Variants in GSTP1 observed in about 807,000 individuals in gnomAD.
GSTP1 encodes glutathione S-transferase pi 1, also known as glutathione S-transferase P.
Under a neutral mutation model 29.4 loss-of-function variants are expected in GSTP1, and 28 were observed. The ratio of observed to expected loss-of-function variants is 0.95; its 90% CI spans 0.71 to 1.30. GSTP1 has a LOEUF of 1.30. Among genes scored for constraint, GSTP1 ranks in the 50% most tolerant of loss-of-function variants. The pLI is 0.00. For missense variants in GSTP1, 267 were observed against 266.1 expected (o/e 1.00, Z -0.02); for synonymous variants, 122 against 117.0 (o/e 1.04, Z -0.28).
At chr11:67,584,355 C>G in intron 2 of GSTP1, 109 bp from the exon 3 acceptor site, 1 of 729,130 alleles carries the variant, frequency 1.4e-6, no homozygotes. Flanking sequence ...GTGAAATCTT[C>G]GGAGGAACCT....
chr11:67,584,003 C>T, intron 1 of GSTP1, 131 bp from the exon 2 acceptor site: 1 of 684,292 alleles, frequency 1.5e-6, no homozygotes, highest in East Asian at 3.4e-5. Context: ...GTGCCGTTAG[C>T]GGCTTTCAGG....
chr11:67,586,253 T>C (rs201310457), intron 6 of GSTP1, 42 bp downstream of exon 6: 4 of 1,542,218 alleles, frequency 2.6e-6, no homozygotes, highest in Admixed American at 1.7e-5. Context: ...CGCCACCCTC[T>C]GCTTCCAGAT....
chr11:67,586,009 GA>G, intron 5 of GSTP1, 94 bp from the exon 6 acceptor site: 2 of 854,658 alleles, frequency 2.3e-6, no homozygotes, highest in Non-Finnish European at 1.9e-6. Context: ...AAGCAGAGGA[GA>G]ATCTGGGACT....
At chr11:67,585,334 C>A in intron 5 of GSTP1, 93 bp downstream of exon 5, 1 of 847,080 alleles carries the variant, frequency 1.2e-6, no homozygotes, top group Non-Finnish European at 1.9e-6. Flanking sequence ...GTGGCTTGGG[C>A]TGACCCCTTC....
rs199949339 is a variant in GSTP1, at chr11:67,586,198, T to C, written c.431T>C (p.Ile144Thr). ...LSQNQGGKTF[I>T]VGDQISFADY... ...CAGAACCAGGGAGGCAAGACCTTCATTGTGGGAGACCAGGTGAGCATCTGG... is the reference window on the plus strand; with the variant it reads ...CAGAACCAGGGAGGCAAGACCTTCACTGTGGGAGACCAGGTGAGCATCTGG... The change falls in exon 6 of 7, where the codon ATT becomes ACT. Residue 144 changes from isoleucine to threonine, a missense_variant. Ile to Thr is a moderately conservative substitution (Grantham distance 89). Transcript: ENST00000398606. The C allele has an allele frequency of 6.0e-5, 97 of 1,612,584 alleles. No homozygotes were observed. The African/African-American group carries it at 1.1e-3, about 19-fold the overall frequency.
intron 5 of GSTP1, 143 bp downstream of exon 5, chr11:67,585,384 G>A (rs1303186513): frequency 1.2e-5 from 7 of 605,362 alleles, no homozygotes; most frequent in Admixed American, 3.1e-5. Flanking sequence ...TCTGGGCCAG[G>A]GGCCCAGGGG....
At chr11:67,586,237 C>G in intron 6 of GSTP1, 26 bp downstream of exon 6, 1 of 1,567,808 alleles carries the variant, frequency 6.4e-7, no homozygotes. Context: ...CATGCTGTTC[C>G]TTCCTCGCCA....
At chr11:67,585,060 C>CT (rs1867442474) in intron 4 of GSTP1, 78 bp from the exon 5 acceptor site, 1 of 885,938 alleles carries the variant, frequency 1.1e-6, no homozygotes. Flanking sequence ...AGACAGCCCC[C>CT]TGGTTGGCCC....
Position 67,586,463 on chromosome 11 carries a change from G to A in GSTP1, c.519G>A (p.Ala173=), listed in dbSNP as rs567508164. 75 of 1,614,142 alleles carry A rather than the reference G, an allele frequency of 4.6e-5. No individual in the cohort carries two copies. Among genetic ancestry groups the A allele is most frequent in the South Asian group, 6.6e-5 (6 of 91,076 alleles). Residue 173 remains alanine, a synonymous_variant, in exon 7 of 7, where the codon GCG becomes GCA. Coordinates refer to ENST00000398606, the MANE Select transcript of GSTP1 (RefSeq NM_000852.4). ...HEVLAPGCLD[A]FPLLSAYVGR... ...TCCTAGCCCCTGGCTGCCTGGATGC[G>A]TTCCCCCTGCTCTCAGCATATGTGG...
Position 67,584,132 on chromosome 11 carries a change from A to T in GSTP1, c.2-2A>T. On this transcript the variant is annotated splice_acceptor_variant, in intron 1 of 6. Coordinates refer to ENST00000398606, the MANE Select transcript of GSTP1 (RefSeq NM_000852.4). LOFTEE classifies it high-confidence loss of function. ...CAGCAAACTTTTCTTTGTTCGCTGCAGTGCCGCCCTACACCGTGGTCTATT... is the reference window on the plus strand; with the variant it reads ...CAGCAAACTTTTCTTTGTTCGCTGCTGTGCCGCCCTACACCGTGGTCTATT... The T allele has an allele frequency of 6.2e-7, 1 of 1,612,312 alleles. No homozygotes were observed. Among genetic ancestry groups the T allele is most frequent in the Non-Finnish European group, 8.5e-7 (1 of 1,178,502 alleles).
chr11:67,584,104 C>G (rs763158028), intron 1 of GSTP1, 30 bp from the exon 2 acceptor site: 2 of 1,597,442 alleles, frequency 1.3e-6, no homozygotes, highest in African/African-American at 1.3e-5. Context: ...CTCCCCCGGG[C>G]TCCAGCAAAC....
intron 5 of GSTP1, among the ~76,000 whole-genome samples, chr11:67,585,688 C>CGTGTGT (rs370404218): frequency 2.0e-5 from 3 of 151,296 alleles, no homozygotes; most frequent in African/African-American, 7.3e-5. Flanking sequence ...CATGTGTGTG[C>CGTGTGT]GTGTGTGTGT....
Position 67,583,864 on chromosome 11 carries a change from G to A in GSTP1, c.1+20G>A. The A allele has an allele frequency of 1.3e-6, 1 of 743,068 alleles. No individual in the cohort carries two copies. The highest frequency in any genetic ancestry group is 2.5e-6 in the Non-Finnish European group (1 of 402,838). The allele number at this position is 743,068 out of a possible 1,614,324, so 46.0% of individuals were successfully genotyped here. ...CCACCAGTGAGTACGCGCGGCCCGC[G>A]TCCCCGGGGATGGGGCTCAGAGCTC... On this transcript the variant is annotated intron_variant, in intron 1 of 6. Coordinates refer to ENST00000398606, the MANE Select transcript of GSTP1 (RefSeq NM_000852.4).
rs368280962 is a variant in GSTP1, at chr11:67,586,244, G to A, written c.444+33G>A. 1.1e-4 allele frequency: 178 copies of A among 1,551,632 alleles called. 3 individuals are homozygous for A. In the South Asian group the frequency reaches 1.7e-3, roughly 15 times the overall value. ...TCTGGCCCCATGCTGTTCCTTCCTC[G>A]CCACCCTCTGCTTCCAGATGGACAC... On this transcript the variant is annotated intron_variant, in intron 6 of 6. Coordinates refer to ENST00000398606, the MANE Select transcript of GSTP1 (RefSeq NM_000852.4).
Position 67,584,140 on chromosome 11 carries a change from C to G in GSTP1, c.8C>G (p.Pro3Arg), listed in dbSNP as rs747863009. The G allele has an allele frequency of 6.2e-7, 1 of 1,612,928 alleles. No homozygotes were observed. Among genetic ancestry groups the G allele is most frequent in the South Asian group, 1.1e-5 (1 of 91,054 alleles). Residue 3 changes from proline to arginine, a missense_variant, in exon 2 of 7, where the codon CCC (proline) becomes CGC (arginine). Coordinates refer to ENST00000398606, the MANE Select transcript of GSTP1 (RefSeq NM_000852.4). ...TTTTCTTTGTTCGCTGCAGTGCCGC[C>G]CTACACCGTGGTCTATTTCCCAGTT... is the stretch of plus-strand genomic sequence containing the variant. MP[P>R]YTVVYFPVRG...
chr11:67,585,109 G>A lies in GSTP1; in HGVS notation c.233-29G>A, dbSNP rs368844448. 8.3e-5 allele frequency: 119 copies of A among 1,439,304 alleles called. No individual in the cohort carries two copies. In the African/African-American group the frequency reaches 1.3e-3, roughly 16 times the overall value. 89.2% of individuals were successfully genotyped at this position (1,439,304 alleles called of 1,614,324 possible). A position where few individuals can be genotyped will look rare whatever the true frequency, so the allele number is the denominator to read the frequency against. ...GTGTGTTGATCAGGCGCCCAGTCAC[G>A]CGGCCTGCTCCCCTCCACCCAACCC... On this transcript the variant is annotated intron_variant, in intron 4 of 6. Transcript: ENST00000398606.
intron 5 of GSTP1, among the ~76,000 whole-genome samples, chr11:67,585,547 G>A (rs1867453449): frequency 6.6e-6 from 1 of 152,214 alleles, no homozygotes; most frequent in African/African-American, 2.4e-5. Context: ...AGCCAGAGGT[G>A]GAGGAGGATT....
At chr11:67,586,285 G>A (rs1867465799) in intron 6 of GSTP1, 74 bp downstream of exon 6, 1 of 1,533,590 alleles carries the variant, frequency 6.5e-7, no homozygotes, top group East Asian at 2.3e-5. Flanking sequence ...TGAGCCATTT[G>A]TTTAGCAAAG....
chr11:67,585,085 T>C (rs1867443048), intron 4 of GSTP1, 53 bp from the exon 5 acceptor site: 1 of 1,155,556 alleles, frequency 8.7e-7, no homozygotes, highest in Non-Finnish European at 1.3e-6. Flanking sequence ...CCAGTGACTG[T>C]GTGTTGATCA....
Sources: gnomAD v4.1 joint callset for allele counts (sites outside exome capture counted in the v4.1 genomes callset) on GRCh38, gnomAD v4.1.1 for gene constraint, MANE v1.5 for transcripts, NCBI Gene and HGNC (gene_info 2026-07-23, HGNC 2026-07-21) for gene names.